RIMBP2: variants seen among roughly 807,000 people sequenced by gnomAD.
RIMBP2 encodes the protein RIMS binding protein 2.
A neutral mutation model predicts 118.6 loss-of-function variants in RIMBP2; 48 were observed. That is an observed-to-expected ratio of 0.40 (90% CI 0.32 to 0.51). The LOEUF (loss-of-function observed/expected upper bound fraction) is 0.51. RIMBP2 is among the 20% of genes least tolerant of loss of function. The pLI is 0.41. For synonymous variants in RIMBP2, 762 were observed against 742.9 expected (o/e 1.03, Z -0.42); for missense variants, 1,551 against 1,768.3 (o/e 0.88, Z 2.20).
chr12:130,400,035 G>T (rs1237586351), intron 21 of RIMBP2, among the ~76,000 whole-genome samples: 1 of 152,202 alleles, frequency 6.6e-6, no homozygotes, highest in Non-Finnish European at 1.5e-5. Context: ...CTCCTGTTCA[G>T]TGAGGAGCTG....
chr12:130,444,800 CT>C (rs1479298125), intron 10 of RIMBP2, among the ~76,000 whole-genome samples: 2 of 152,188 alleles, frequency 1.3e-5, no homozygotes, highest in Non-Finnish European at 2.9e-5. Flanking sequence ...GAGGGTGCCT[CT>C]GGGAGACCCT....
Position 130,434,781 on chromosome 12 carries a change from C to T in RIMBP2, c.2206G>A (p.Gly736Ser), listed in dbSNP as rs975661770. 3.1e-6 allele frequency: 5 copies of T among 1,613,898 alleles called. No homozygotes were observed. The highest frequency in any genetic ancestry group is 1.3e-5 in the African/African-American group (1 of 75,038). ...AYDSPDFKRR[G>S]ASVDDFLKGS... is the part of the protein sequence containing the mutation. ...TTCAGGAAGTCGTCCACCGAGGCGCCCCTCCTCTTGAAGTCTGGAGAGTCA... is the reference window on the plus strand; with the variant it reads ...TTCAGGAAGTCGTCCACCGAGGCGCTCCTCCTCTTGAAGTCTGGAGAGTCA... The change falls in exon 14 of 23, where the codon GGC becomes AGC. Residue 736 changes from glycine to serine, a missense_variant. Gly to Ser is a moderately conservative substitution (Grantham distance 56). Coordinates refer to ENST00000690449, the MANE Select transcript of RIMBP2 (RefSeq NM_001393629.1). This position sits in a 1 kb window ranked among gnomAD's most constrained non-coding sequence, Gnocchi z 5.7.
At chr12:130,471,270 A>G (rs1405244926) in intron 5 of RIMBP2, among the ~76,000 whole-genome samples, 1 of 152,222 alleles carries the variant, frequency 6.6e-6, no homozygotes, top group African/African-American at 2.4e-5. Context: ...CACATGTTTC[A>G]CTACAGAAAT....
Position 130,438,351 on chromosome 12 carries a change from C to CCCCCAA in RIMBP2, c.1656+13_1656+14insTTGGGG. The CCCCCAA allele has an allele frequency of 1.9e-6, 3 of 1,589,892 alleles. No homozygotes were observed. The highest frequency in any genetic ancestry group is 2.6e-6 in the Non-Finnish European group (3 of 1,158,594). On this transcript the variant is annotated intron_variant, in intron 12 of 22. Transcript: ENST00000690449. ...GCCTAACAAACCCTCCCCACCCACC[C>CCCCCAA]AACGAAAACTCACCCTCTGCCCTTT...
intron 1 of RIMBP2, among the ~76,000 whole-genome samples, chr12:130,687,669 G>A (rs919391667): frequency 6.6e-6 from 1 of 152,090 alleles, no homozygotes; most frequent in African/African-American, 2.4e-5. Context: ...AATACAGAAA[G>A]GTAAGGAAGA....
In RIMBP2 at chr12:130,437,251, A is replaced by G; in HGVS notation, c.1697T>C (p.Val566Ala). 1 of 1,585,254 alleles carries G rather than the reference A, an allele frequency of 6.3e-7. No homozygotes were observed. Among genetic ancestry groups the G allele is most frequent in the Non-Finnish European group, 8.5e-7 (1 of 1,172,428 alleles). ...VIFPTADSTA[V>A]ELVRLRSLEA... ...CAGGCTCCGCAGCCGCACAAGCTCC[A>G]CGGCCGTGCTGTCTGCCGTGGGGAA... The change falls in exon 13 of 23, where the codon GTG (valine) becomes GCG (alanine). Residue 566 changes from valine (V) to alanine (A), a missense_variant. Val to Ala is a moderately conservative substitution (Grantham distance 64). Transcript: ENST00000690449.
At chr12:130,657,510 C>T (rs1183457130) in intron 1 of RIMBP2, among the ~76,000 whole-genome samples, 2 of 152,234 alleles carry the variant, frequency 1.3e-5, no homozygotes, top group African/African-American at 4.8e-5. Context: ...CATAACTAAA[C>T]TGATAGAGCT....
chr12:130,563,065 T>A (rs1186355147), intron 2 of RIMBP2, among the ~76,000 whole-genome samples: 1 of 152,232 alleles, frequency 6.6e-6, no homozygotes, highest in Non-Finnish European at 1.5e-5. Context: ...TAAAAACGCA[T>A]TCACGCTGCA....
chr12:130,574,831 G>C (rs2140108226), intron 2 of RIMBP2, among the ~76,000 whole-genome samples: 1 of 152,058 alleles, frequency 6.6e-6, no homozygotes, highest in East Asian at 1.9e-4. Flanking sequence ...GGTTCCCTCT[G>C]TCCACTCACA....
At chr12:130,521,083 G>A (rs116916182) in intron 2 of RIMBP2, among the ~76,000 whole-genome samples, 1 of 152,162 alleles carries the variant, frequency 6.6e-6, no homozygotes, top group Non-Finnish European at 1.5e-5. Context: ...GGGGAAATCA[G>A]AAAATGCCTA....
In RIMBP2 at chr12:130,603,383, G is replaced by A. The variant is rs142901208; in HGVS notation, c.-217+24939C>T. ...TTCAACGGACTCAACACATGTGCTC[G>A]GAAGGCAGGTGTAAGCACCTGCATC... On this transcript the variant is annotated intron_variant, in intron 2 of 22. Transcript: ENST00000690449. Among the ~76,000 whole-genome samples, 589 of 152,274 alleles carry A rather than the reference G, an allele frequency of 3.9e-3. 3 individuals are homozygous for A. Among genetic ancestry groups the A allele is most frequent in the Middle Eastern group, 0.02 (6 of 294 alleles).
At chr12:130,635,252 G>T in intron 1 of RIMBP2, among the ~76,000 whole-genome samples, 1 of 152,174 alleles carries the variant, frequency 6.6e-6, no homozygotes, top group East Asian at 1.9e-4. Context: ...CCAGCGCCTG[G>T]ACCTACCTCT....
intron 1 of RIMBP2, among the ~76,000 whole-genome samples, chr12:130,677,126 G>A (rs1016412911): frequency 5.3e-5 from 8 of 152,124 alleles, no homozygotes; most frequent in East Asian, 1.9e-4. Context: ...TGGTTGTTAC[G>A]ACTAGGGTGG....
chr12:130,566,897 T>C lies in RIMBP2; in HGVS notation c.-216-48980A>G, dbSNP rs941668714. On this transcript the variant is annotated intron_variant, in intron 2 of 22. Coordinates refer to ENST00000690449, the MANE Select transcript of RIMBP2 (RefSeq NM_001393629.1). The stretch of plus-strand genomic sequence containing the variant: ...CTCCTAGGGCTGCATTAAGGGATTA[T>C]CACTCCAGCCTTCATGTTTTTCAGC... Among the ~76,000 whole-genome samples, 15 of 152,230 alleles carry C rather than the reference T, an allele frequency of 9.9e-5. No individual in the cohort carries two copies. In the East Asian group the frequency reaches 2.7e-3, roughly 27 times the overall value.
rs372936229 is a variant in RIMBP2, at chr12:130,442,711, C to T, written c.692-51G>A. 3.1e-5 allele frequency: 47 copies of T among 1,502,922 alleles called. No individual in the cohort carries two copies. The highest frequency in any genetic ancestry group is 3.9e-5 in the Non-Finnish European group (43 of 1,099,004). 93.1% of individuals were successfully genotyped at this position (1,502,922 alleles called of 1,614,324 possible). On this transcript the variant is annotated intron_variant, in intron 10 of 22. Coordinates refer to ENST00000690449, the MANE Select transcript of RIMBP2 (RefSeq NM_001393629.1). The surrounding 1 kb of genome is among the most constrained non-coding windows in gnomAD (Gnocchi z 6.9). ...CACCCAGCCAACACAGCAGGGGCCT[C>T]GAGGCCCCCAGTGTACTCCCACCTC...
chr12:130,451,016 G>C (rs1017582417), intron 8 of RIMBP2, among the ~76,000 whole-genome samples, 179 bp downstream of exon 8: 1 of 152,264 alleles, frequency 6.6e-6, no homozygotes, highest in Middle Eastern at 3.4e-3. Context: ...TCACAGAGGG[G>C]CCCCCCCACA....
intron 15 of RIMBP2, chr12:130,427,175 T>C (rs752264157): frequency 2.0e-5 from 3 of 152,252 alleles, no homozygotes; most frequent in Non-Finnish European, 4.4e-5. Context: ...CAGATTTGGA[T>C]GAGTCTTCTG....
intron 2 of RIMBP2, among the ~76,000 whole-genome samples, chr12:130,522,594 C>A (rs544978281): frequency 1.3e-5 from 2 of 152,210 alleles, no homozygotes; most frequent in Non-Finnish European, 1.5e-5. Context: ...AGGCGGAATT[C>A]GACTTCAAGG....
At chr12:130,529,054 G>A (rs1475640764) in intron 2 of RIMBP2, among the ~76,000 whole-genome samples, 6 of 152,140 alleles carry the variant, frequency 3.9e-5, no homozygotes, top group Non-Finnish European at 5.9e-5. Flanking sequence ...CCCAAGTGTC[G>A]ATTGATGGAT....
Sources: gnomAD v4.1 joint callset for allele counts (sites outside exome capture counted in the v4.1 genomes callset) on GRCh38, gnomAD v4.1.1 for gene constraint, Gnocchi (gnomAD v3.1) non-coding constraint, MANE v1.5 for transcripts, NCBI Gene and HGNC (gene_info 2026-07-23, HGNC 2026-07-21) for gene names.